Variants in ARHGAP5 observed in about 807,000 individuals in gnomAD.
ARHGAP5 encodes the protein rho GTPase-activating protein 5.
A neutral mutation model predicts 116.6 loss-of-function variants in ARHGAP5; 23 were observed. The ratio of observed to expected loss-of-function variants is 0.20; its 90% CI spans 0.14 to 0.28. ARHGAP5 has a LOEUF of 0.28. Ranked by LOEUF, ARHGAP5 falls within the 10% of genes least tolerant of loss-of-function variation. The pLI, the probability that ARHGAP5 is intolerant of heterozygous loss-of-function variation, is 1.00. For missense variants in ARHGAP5, 1,405 were observed against 1,774.8 expected (o/e 0.79, Z 3.74); for synonymous variants, 574 against 602.0 (o/e 0.95, Z 0.68).
Position 32,083,724 on chromosome 14 carries a change from G to C in ARHGAP5, c.-169+6289G>C, listed in dbSNP as rs185652858. Among the ~76,000 whole-genome samples, 208 of 152,054 alleles carry C rather than the reference G, an allele frequency of 1.4e-3. 1 individual carries two copies. Among genetic ancestry groups the C allele is most frequent in the African/African-American group, 4.7e-3 (193 of 41,472 alleles). On this transcript the variant is annotated intron_variant, in intron 1 of 6. Transcript: ENST00000345122. ...CTCTCATTTTAAAAATTGTTAAGCC[G>C]TATCTAAAGTTGTTTGTATGATGAA...
chr14:32,140,097 C>CTTTTTTTT (rs1182430088), intron 3 of ARHGAP5, among the ~76,000 whole-genome samples: 2 of 25,386 alleles, frequency 7.9e-5, no homozygotes, highest in African/African-American at 1.6e-4. Flanking sequence ...GTTATTTGTT[C>CTTTTTTTT]TTTTTTTTTT....
intron 2 of ARHGAP5, among the ~76,000 whole-genome samples, chr14:32,095,241 A>AATT (rs1232622161): frequency 6.6e-6 from 1 of 152,218 alleles, no homozygotes; most frequent in East Asian, 1.9e-4. Context: ...TACCCAATTA[A>AATT]AGGTGTCGAT....
At position 32,117,167 on chromosome 14, in the gene ARHGAP5, C is replaced by T. The variant is rs776631496; in HGVS notation, c.3745C>T (p.Pro1249Ser). ...KQKKKTKNFN[P>S]PTRRNWESNY... ...GAAAAAGAAAACTAAGAACTTCAAT[C>T]CACCAACACGTAGAAATTGGGAAAG... Residue 1249 changes from proline (P) to serine (S), a missense_variant, in exon 3 of 7, where the codon CCA becomes TCA. Pro to Ser is a moderately conservative substitution (Grantham distance 74). Around this residue, in one of 6 missense-constraint regions of ARHGAP5, gnomAD observed 176 missense variants for 221.2 expected, o/e 0.80. Transcript: ENST00000345122. 1.2e-6 allele frequency: 2 copies of T among 1,607,512 alleles called. No individual in the cohort carries two copies. The highest frequency in any genetic ancestry group is 2.7e-5 in the African/African-American group (2 of 74,660).
chr14:32,103,437 C>G (rs777297054), intron 2 of ARHGAP5, among the ~76,000 whole-genome samples: 12 of 152,128 alleles, frequency 7.9e-5, no homozygotes, highest in Non-Finnish European at 1.5e-4. Context: ...GCTTTCTATA[C>G]AAACTTTTTC....
chr14:32,156,959 G>A lies in ARHGAP5; in HGVS notation c.*2011G>A, dbSNP rs1159796668. ...TTGCTATTGTAATATGTGAATACCA[G>A]TTTATTTAAGCTGTTCTCTTTTATA... On this transcript the variant is annotated 3_prime_UTR_variant, in exon 7 of 7. Coordinates refer to ENST00000345122, the MANE Select transcript of ARHGAP5 (RefSeq NM_001030055.2). 1.3e-5 allele frequency: 2 copies of A among 152,338 alleles called. No individual in the cohort carries two copies. The highest frequency in any genetic ancestry group is 4.8e-5 in the African/African-American group (2 of 41,444). The allele number at this position is 152,338 out of a possible 1,614,324, so 9.4% of individuals were successfully genotyped here. A position where few individuals can be genotyped will look rare whatever the true frequency, so the allele number is the denominator to read the frequency against.
At chr14:32,105,146 T>C (rs1444210405) in intron 2 of ARHGAP5, among the ~76,000 whole-genome samples, 1 of 152,204 alleles carries the variant, frequency 6.6e-6, no homozygotes, top group Admixed American at 6.5e-5. Context: ...TATGCAGTTC[T>C]AGAAGTCAGT....
intron 3 of ARHGAP5, among the ~76,000 whole-genome samples, chr14:32,143,978 A>T (rs1175191239): frequency 6.6e-6 from 1 of 152,196 alleles, no homozygotes; most frequent in Non-Finnish European, 1.5e-5. Flanking sequence ...ATCTCTAGGC[A>T]TTACCAAGTG....
At chr14:32,140,094 G>GTTCTTTTTTTTTTTTTT (rs1881035706) in intron 3 of ARHGAP5, among the ~76,000 whole-genome samples, 1 of 32,430 alleles carries the variant, frequency 3.1e-5, no homozygotes, top group African/African-American at 1.4e-4. Flanking sequence ...TAGGTTATTT[G>GTTCTTTTTTTTTTTTTT]TTCTTTTTTT....
chr14:32,077,798 C>G (rs989327817), intron 1 of ARHGAP5, among the ~76,000 whole-genome samples: 1 of 151,884 alleles, frequency 6.6e-6, no homozygotes, highest in African/African-American at 2.4e-5. Context: ...GGTGGTCCGT[C>G]GAGAGGGGAG....
At position 32,159,646 on chromosome 14, in the gene ARHGAP5, T is replaced by C. The variant is rs1017216579; in HGVS notation, c.*4698T>C. 2 of 152,150 alleles carry C rather than the reference T, an allele frequency of 1.3e-5. No individual in the cohort carries two copies. The highest frequency in any genetic ancestry group is 4.8e-5 in the African/African-American group (2 of 41,446). 9.4% of individuals were successfully genotyped at this position (152,150 alleles called of 1,614,324 possible). ...CAAGTTCTTGAACTATTTTACCAGC[T>C]TTAACTTTGGGGCTCTTAGTTTCTT... On this transcript the variant is annotated 3_prime_UTR_variant, in exon 7 of 7. Transcript: ENST00000345122.
intron 2 of ARHGAP5, among the ~76,000 whole-genome samples, chr14:32,116,763 T>A (rs1038964735): frequency 1.3e-5 from 2 of 152,094 alleles, no homozygotes; most frequent in African/African-American, 4.8e-5. Flanking sequence ...CACAGAAAAC[T>A]CACTCGGACC....
chr14:32,110,857 G>T (rs928972289), intron 2 of ARHGAP5, among the ~76,000 whole-genome samples: 1 of 152,204 alleles, frequency 6.6e-6, no homozygotes, highest in Non-Finnish European at 1.5e-5. Flanking sequence ...AGAAAAAGGA[G>T]ATAGAGGATG....
At chr14:32,090,030 T>C (rs1471581918) in intron 1 of ARHGAP5, among the ~76,000 whole-genome samples, 1 of 151,960 alleles carries the variant, frequency 6.6e-6, no homozygotes, top group Non-Finnish European at 1.5e-5. Context: ...CAAATTCTTA[T>C]GAAATTCTGT....
In ARHGAP5 at chr14:32,094,287, T is replaced by C. The variant is rs1878414285; in HGVS notation, c.3618T>C (p.Thr1206=). Residue 1206 remains threonine (T), a synonymous_variant, in exon 2 of 7, where the codon ACT becomes ACC. Coordinates refer to ENST00000345122, the MANE Select transcript of ARHGAP5 (RefSeq NM_001030055.2). ...EEDPLLSPVE[T]WKGGIDNPAI... ...ATCCACTTCTTTCTCCTGTTGAAAC[T>C]TGGAAAGGTGGTATTGATAATCCTG... The C allele has an allele frequency of 6.2e-7, 1 of 1,613,842 alleles. No individual in the cohort carries two copies. The highest frequency in any genetic ancestry group is 1.3e-5 in the African/African-American group (1 of 75,004).
intron 1 of ARHGAP5, among the ~76,000 whole-genome samples, chr14:32,077,898 T>C (rs534028787): frequency 1.3e-5 from 2 of 152,142 alleles, no homozygotes; most frequent in East Asian, 3.9e-4. Flanking sequence ...GGAAACACAG[T>C]CTCGGTTGCA....
intron 4 of ARHGAP5, among the ~76,000 whole-genome samples, chr14:32,148,163 A>AATCTATCTATCT (rs71441707): frequency 0.024 from 3,572 of 147,530 alleles, 53 homozygotes; most frequent in East Asian, 0.037. Flanking sequence ...AAAAAAAAGA[A>AATCTATCTATCT]ATCTATCTAT....
chr14:32,115,481 G>A (rs1326713555), intron 2 of ARHGAP5, among the ~76,000 whole-genome samples: 1 of 151,944 alleles, frequency 6.6e-6, no homozygotes, highest in Non-Finnish European at 1.5e-5. Context: ...GGCCAACACG[G>A]TGAAACCGCG....
intron 3 of ARHGAP5, among the ~76,000 whole-genome samples, chr14:32,128,478 G>T (rs971810012): frequency 2.0e-5 from 3 of 152,236 alleles, no homozygotes; most frequent in Non-Finnish European, 4.4e-5. Context: ...CCTTCACCTC[G>T]CTGGGCTCTG....
Position 32,093,017 on chromosome 14 carries a change from G to C in ARHGAP5, c.2348G>C (p.Cys783Ser). 1 of 1,614,050 alleles carries C rather than the reference G, an allele frequency of 6.2e-7. No homozygotes were observed. Among genetic ancestry groups the C allele is most frequent in the Non-Finnish European group, 8.5e-7 (1 of 1,179,966 alleles). ...LSEADLRIVM[C>S]AMCGDPFSVD... ...GAAGCTGACTTGAGAATTGTCATGT[G>C]CGCCATGTGTGGAGATCCATTTAGT... Residue 783 changes from cysteine (C) to serine (S), a missense_variant, in exon 2 of 7, where the codon TGC becomes TCC. Coordinates refer to ENST00000345122, the MANE Select transcript of ARHGAP5 (RefSeq NM_001030055.2).
Sources: allele counts gnomAD v4.1 joint callset (sites outside exome capture counted in the v4.1 genomes callset), GRCh38; gene constraint gnomAD v4.1.1; regional missense constraint gnomAD v4.1.1; transcripts MANE v1.5; gene names NCBI Gene and HGNC (gene_info 2026-07-23, HGNC 2026-07-21).